The following CACNA2D2 variants were observed in gnomAD, a reference collection of about 807,000 sequenced individuals.
CACNA2D2 encodes the protein voltage-dependent calcium channel subunit alpha-2/delta-2.
In CACNA2D2, 48 loss-of-function variants were observed where a neutral mutation model predicts 166.4. That is an observed-to-expected ratio of 0.29 (90% CI 0.23 to 0.37). The LOEUF (loss-of-function observed/expected upper bound fraction) is 0.37, where lower values mean the gene tolerates loss of function less well. Among genes scored for constraint, CACNA2D2 ranks in the 10% least tolerant of loss-of-function variants. CACNA2D2 has a pLI of 1.00. For synonymous variants in CACNA2D2, 561 were observed against 573.7 expected, an observed-to-expected ratio of 0.98 and a Z score of 0.32; for missense variants, 1,122 against 1,433.0, an observed-to-expected ratio of 0.78 and a Z score of 3.50.
At chr3:50,500,474 CGAT>C (rs1248484140) in intron 1 of CACNA2D2, among the ~76,000 whole-genome samples, 1 of 151,796 alleles carries the variant, frequency 6.6e-6, no homozygotes, top group Non-Finnish European at 1.5e-5. Flanking sequence ...AGGTACAGCT[CGAT>C]GAAAGACCTG....
chr3:50,410,483 G>GGGGT (rs1559921644), intron 3 of CACNA2D2, among the ~76,000 whole-genome samples: 1 of 147,494 alleles, frequency 6.8e-6, no homozygotes, highest in African/African-American at 2.4e-5. Context: ...CCTGGGATGG[G>GGGGT]GGGGGGGGTG....
intron 3 of CACNA2D2, among the ~76,000 whole-genome samples, chr3:50,394,969 A>G (rs184710457): frequency 5.9e-5 from 9 of 152,232 alleles, no homozygotes; most frequent in Non-Finnish European, 1.3e-4. Flanking sequence ...GGCTTGCTGG[A>G]GAAGACGCTG....
intron 2 of CACNA2D2, among the ~76,000 whole-genome samples, chr3:50,455,892 C>T (rs1442669543): frequency 6.6e-6 from 1 of 152,216 alleles, no homozygotes; most frequent in East Asian, 1.9e-4. Context: ...GGCCCACATG[C>T]TCCCCCCATT....
chr3:50,489,824 C>T (rs1050048535), intron 1 of CACNA2D2, among the ~76,000 whole-genome samples: 1 of 152,220 alleles, frequency 6.6e-6, no homozygotes, highest in Non-Finnish European at 1.5e-5. Context: ...AGCCTGGGGG[C>T]CTGGAGCAGG....
Position 50,469,284 on chromosome 3 carries a change from TG to T in CACNA2D2, c.288+6833del, listed in dbSNP as rs544219266. Among the ~76,000 whole-genome samples the T allele has an allele frequency of 6.0e-4, 91 of 152,290 alleles. 2 individuals carry two copies. The Middle Eastern group carries it at 0.01, about 17-fold the overall frequency. On this transcript the variant is annotated intron_variant, in intron 2 of 37. Coordinates refer to ENST00000424201, the MANE Select transcript of CACNA2D2 (RefSeq NM_006030.4). ...AACAGCATCTCTGCAGCTAGCTCCCTGGATTTCCGGCCAAAGAAATCACGTA... is the reference window on the plus strand; with the variant it reads ...AACAGCATCTCTGCAGCTAGCTCCCTGATTTCCGGCCAAAGAAATCACGTA...
At position 50,375,611 on chromosome 3, in the gene CACNA2D2, C is replaced by T. The variant is rs1704930283; in HGVS notation, c.1907+33G>A. The T allele has an allele frequency of 5.6e-6, 9 of 1,609,128 alleles. No homozygotes were observed. Among genetic ancestry groups the T allele is most frequent in the African/African-American group, 1.3e-5 (1 of 74,830 alleles). ...GGCTCAGATTCTGGGGCCACCCCACCCTCTCTGCCCGCCCAGCCCTGGCCT... is the reference window on the plus strand; with the variant it reads ...GGCTCAGATTCTGGGGCCACCCCACTCTCTCTGCCCGCCCAGCCCTGGCCT... On this transcript the variant is annotated intron_variant, in intron 21 of 37. Transcript: ENST00000424201. The surrounding 1 kb of genome is among the most constrained non-coding windows in gnomAD (Gnocchi z 4.0).
chr3:50,499,282 G>A (rs1265719276), intron 1 of CACNA2D2, among the ~76,000 whole-genome samples: 1 of 152,192 alleles, frequency 6.6e-6, no homozygotes, highest in Non-Finnish European at 1.5e-5. Context: ...CATGAGCAAA[G>A]TAGAGAGACA....
At position 50,503,628 on chromosome 3, in the gene CACNA2D2, G is replaced by C. The variant is rs1375044843; in HGVS notation, c.-205C>G. Reference sequence around the variant, plus strand: ...TATCTCCCTGCAGCGCTGGCTCCAAGCGCTCTGAGCGCCCGGCCCGGGACC... The same window carrying C: ...TATCTCCCTGCAGCGCTGGCTCCAACCGCTCTGAGCGCCCGGCCCGGGACC... On this transcript the variant is annotated 5_prime_UTR_variant, in exon 1 of 38. Transcript: ENST00000424201. The C allele has an allele frequency of 6.2e-6, 1 of 161,428 alleles. No homozygotes were observed. Among genetic ancestry groups the C allele is most frequent in the Non-Finnish European group, 1.3e-5 (1 of 74,632 alleles). The allele number at this position is 161,428 out of a possible 1,614,324, so 10.0% of individuals were successfully genotyped here.
intron 3 of CACNA2D2, among the ~76,000 whole-genome samples, chr3:50,407,574 G>A (rs768285244): frequency 2.0e-5 from 3 of 152,212 alleles, no homozygotes; most frequent in Non-Finnish European, 4.4e-5. Flanking sequence ...AGCAGCCACA[G>A]TACCCCATGG....
chr3:50,483,556 C>T (rs1396760683), intron 1 of CACNA2D2, among the ~76,000 whole-genome samples: 1 of 152,190 alleles, frequency 6.6e-6, no homozygotes, highest in African/African-American at 2.4e-5. Flanking sequence ...CATCATCCGG[C>T]ATTAATTAGG....
At position 50,503,299 on chromosome 3, in the gene CACNA2D2, C is replaced by A; in HGVS notation, c.125G>T (p.Arg42Leu). ...AAGCGGCAGCAGCAGCCACAGCGGG[C>A]GCGGGGGCCCGGACGTCGGGCGCCG... Reference protein sequence around the residue: ...GTRRPTSGPPRPLWLLLPLLP... With the variant: ...GTRRPTSGPPLPLWLLLPLLP... The change falls in exon 1 of 38, where the codon CGC becomes CTC. Residue 42 changes from arginine to leucine, a missense_variant. Around this residue, in one of 2 missense-constraint regions of CACNA2D2, gnomAD observed 840 missense variants for 1,166.8 expected, o/e 0.72. Transcript: ENST00000424201. The A allele has an allele frequency of 1.0e-6, 1 of 986,568 alleles. No homozygotes were observed. Among genetic ancestry groups the A allele is most frequent in the Non-Finnish European group, 1.3e-6 (1 of 777,896 alleles). The allele number at this position is 986,568 out of a possible 1,614,324, so 61.1% of individuals were successfully genotyped here. A position where few individuals can be genotyped will look rare whatever the true frequency, so the allele number is the denominator to read the frequency against.
intron 2 of CACNA2D2, among the ~76,000 whole-genome samples, chr3:50,460,291 C>A (rs1232310528): frequency 1.3e-5 from 2 of 152,096 alleles, no homozygotes; most frequent in African/African-American, 4.8e-5. Context: ...CAATACTGTG[C>A]CAATGTTGAT....
At chr3:50,481,873 G>A (rs1698069777) in intron 1 of CACNA2D2, among the ~76,000 whole-genome samples, 1 of 152,142 alleles carries the variant, frequency 6.6e-6, no homozygotes. Context: ...TCGTACACCT[G>A]TAGTCCCAGC....
At chr3:50,452,367 T>C (rs1332578360) in intron 2 of CACNA2D2, among the ~76,000 whole-genome samples, 1 of 152,230 alleles carries the variant, frequency 6.6e-6, no homozygotes, top group Non-Finnish European at 1.5e-5. Context: ...CTCCAGGGAA[T>C]GGACCCTATC....
chr3:50,502,069 C>CGAACTG (rs1210686201), intron 1 of CACNA2D2, among the ~76,000 whole-genome samples: 1 of 152,156 alleles, frequency 6.6e-6, no homozygotes, highest in Non-Finnish European at 1.5e-5. Context: ...AGAGAGCCTA[C>CGAACTG]GAACTGGAGT....
chr3:50,430,547 G>GA (rs1708017411), intron 3 of CACNA2D2, among the ~76,000 whole-genome samples: 1 of 152,238 alleles, frequency 6.6e-6, no homozygotes, highest in African/African-American at 2.4e-5. Context: ...CACAAGGGCA[G>GA]AAACCGGGCC....
intron 2 of CACNA2D2, among the ~76,000 whole-genome samples, chr3:50,461,992 T>C (rs1252039657): frequency 6.6e-6 from 1 of 152,068 alleles, no homozygotes; most frequent in Non-Finnish European, 1.5e-5. Context: ...GAAGGTAAAT[T>C]TAATTTAACA....
At chr3:50,410,333 C>T (rs1706938363) in intron 3 of CACNA2D2, among the ~76,000 whole-genome samples, 1 of 152,214 alleles carries the variant, frequency 6.6e-6, no homozygotes, top group African/African-American at 2.4e-5. Flanking sequence ...CATCCTCACT[C>T]ATTCTCACAG....
chr3:50,366,464 G>C lies in CACNA2D2; in HGVS notation c.2637+114C>G. ...CAGTCCTGGGAAGGCTGTGAAGTCA[G>C]GGTGGGGATGTTGAGACCCACAGGC... On this transcript the variant is annotated intron_variant, in intron 30 of 37. Transcript: ENST00000424201. This position sits in a 1 kb window ranked among gnomAD's most constrained non-coding sequence, Gnocchi z 5.9. 1 of 1,464,796 alleles carries C rather than the reference G, an allele frequency of 6.8e-7. No homozygotes were observed. Among genetic ancestry groups the C allele is most frequent in the African/African-American group, 1.4e-5 (1 of 72,156 alleles). The allele number at this position is 1,464,796 out of a possible 1,614,324, so 90.7% of individuals were successfully genotyped here.
Sources: allele counts gnomAD v4.1 joint callset (sites outside exome capture counted in the v4.1 genomes callset), GRCh38; gene constraint gnomAD v4.1.1; regional missense constraint gnomAD v4.1.1; non-coding constraint Gnocchi (gnomAD v3.1); transcripts MANE v1.5; gene names NCBI Gene and HGNC (gene_info 2026-07-23, HGNC 2026-07-21).